The following GYS2 variants were observed in gnomAD, a reference collection of about 807,000 sequenced individuals.
The protein encoded by GYS2 is glycogen [starch] synthase, liver.
Under a neutral mutation model 85.6 loss-of-function variants are expected in GYS2, and 80 were observed. The observed-to-expected ratio is 0.93, with a 90% CI of 0.78 to 1.13. The LOEUF is 1.13. Ranked by LOEUF, GYS2 falls within the 50% of genes most tolerant of loss-of-function variation. The probability of loss-of-function intolerance (pLI) is 0.00; values close to 1 mark genes in which losing one functional copy is unlikely to be tolerated. For missense variants in GYS2, 881 were observed against 854.9 expected (o/e 1.03, Z -0.38); for synonymous variants, 328 against 300.7 (o/e 1.09, Z -0.94).
In GYS2 at chr12:21,575,851, T is replaced by C; in HGVS notation, c.495+15A>G. On this transcript the variant is annotated intron_variant, in intron 3 of 15. Coordinates refer to ENST00000261195, the MANE Select transcript of GYS2 (RefSeq NM_021957.4). ...GTGCTGCTCCTCCGTTGTATCACTATATAATAAACCATACCTCTTTTAAGA... is the reference window on the plus strand; with the variant it reads ...GTGCTGCTCCTCCGTTGTATCACTACATAATAAACCATACCTCTTTTAAGA... The C allele has an allele frequency of 6.3e-7, 1 of 1,590,034 alleles. No individual in the cohort carries two copies. The highest frequency in any genetic ancestry group is 8.6e-7 in the Non-Finnish European group (1 of 1,158,178).
intron 1 of GYS2, among the ~76,000 whole-genome samples, chr12:21,592,866 A>G (rs954413833): frequency 2.0e-5 from 3 of 152,098 alleles, no homozygotes; most frequent in African/African-American, 7.2e-5. Flanking sequence ...TCCCCAGGAT[A>G]CACCATATGT....
intron 15 of GYS2, chr12:21,537,462 G>A: frequency 2.5e-6 from 1 of 405,042 alleles, no homozygotes; most frequent in East Asian, 5.5e-5. Context: ...TTTCAGTACA[G>A]AAGAAAATGG....
Position 21,604,459 on chromosome 12 carries a change from G to A in GYS2, c.121+13C>T. On this transcript the variant is annotated intron_variant, in intron 1 of 15. Transcript: ENST00000261195. The stretch of plus-strand genomic sequence containing the variant: ...TGAAGGTGTACTGATCCACCTTCAG[G>A]AGCAGTACAAACCTTTATTGGTCAC... 1 of 1,532,224 alleles carries A rather than the reference G, an allele frequency of 6.5e-7. No homozygotes were observed. The highest frequency in any genetic ancestry group is 9.0e-7 in the Non-Finnish European group (1 of 1,105,978). The allele number at this position is 1,532,224 out of a possible 1,614,324, so 94.9% of individuals were successfully genotyped here.
intron 1 of GYS2, among the ~76,000 whole-genome samples, chr12:21,582,026 G>A (rs1289308872): frequency 6.6e-6 from 1 of 152,060 alleles, no homozygotes; most frequent in Non-Finnish European, 1.5e-5. Context: ...AAATGCTTCT[G>A]CACCGCAAAA....
intron 11 of GYS2, among the ~76,000 whole-genome samples, chr12:21,552,126 C>G (rs928266883): frequency 1.3e-5 from 2 of 152,054 alleles, no homozygotes; most frequent in Non-Finnish European, 2.9e-5. Flanking sequence ...CAAAAATCGC[C>G]CAGGAAAGCT....
intron 1 of GYS2, among the ~76,000 whole-genome samples, chr12:21,594,604 A>C (rs922085811): frequency 9.9e-5 from 15 of 152,176 alleles, no homozygotes; most frequent in Admixed American, 6.5e-5. Flanking sequence ...AAAGGACAGA[A>C]ACAAATGGAG....
chr12:21,567,531 GTT>G lies in GYS2; in HGVS notation c.823+1332_823+1333del, dbSNP rs76569569. ...ATTAGTTGGGTTCTTGTTCTATCTTGTTTTTTTTTTTTTTTTTAACCTAGCAC... is the reference window on the plus strand; with the variant it reads ...ATTAGTTGGGTTCTTGTTCTATCTTGTTTTTTTTTTTTTTTAACCTAGCAC... On this transcript the variant is annotated intron_variant, in intron 5 of 15. Transcript: ENST00000261195. Among the ~76,000 whole-genome samples the G allele has an allele frequency of 6.1e-3, 780 of 128,182 alleles. 13 individuals are homozygous for G. Among genetic ancestry groups the G allele is most frequent in the African/African-American group, 0.019 (683 of 35,704 alleles). 84.1% of individuals were successfully genotyped at this position (128,182 alleles called of 152,430 possible).
Position 21,539,317 on chromosome 12 carries a change from G to C in GYS2, c.1831C>G (p.Leu611Val), listed in dbSNP as rs762308155. The change falls in exon 15 of 16, where the codon CTG (leucine) becomes GTG (valine). Residue 611 changes from leucine to valine, a missense_variant. Coordinates refer to ENST00000261195, the MANE Select transcript of GYS2 (RefSeq NM_021957.4). ...LGRYYQHARH[L>V]TLSRAFPDKF... is the part of the protein sequence containing the mutation. The stretch of plus-strand genomic sequence containing the variant: ...TCTGGAAAAGCTCTGCTTAATGTCA[G>C]GTGTCTGGCATGCTGGTAATACTAT... 3.1e-6 allele frequency: 5 copies of C among 1,603,584 alleles called. No homozygotes were observed. Among genetic ancestry groups the C allele is most frequent in the Non-Finnish European group, 4.3e-6 (5 of 1,170,652 alleles).
At chr12:21,564,551 G>T (rs114214401) in intron 5 of GYS2, among the ~76,000 whole-genome samples, 130 of 152,184 alleles carry the variant, frequency 8.5e-4, no homozygotes, top group African/African-American at 2.8e-3. Context: ...TGATTTTTAT[G>T]AGTTTTTATT....
At chr12:21,581,997 A>G (rs1485596942) in intron 1 of GYS2, among the ~76,000 whole-genome samples, 1 of 152,170 alleles carries the variant, frequency 6.6e-6, no homozygotes, top group East Asian at 1.9e-4. Flanking sequence ...AAACAGACAA[A>G]TGGGACTTAA....
chr12:21,543,740 A>G (rs1048101590), intron 12 of GYS2, among the ~76,000 whole-genome samples: 10 of 151,398 alleles, frequency 6.6e-5, no homozygotes, highest in Non-Finnish European at 1.3e-4. Flanking sequence ...GCTCTCCCTC[A>G]CCTCGCCCCA....
intron 11 of GYS2, among the ~76,000 whole-genome samples, chr12:21,557,629 G>A (rs985699447): frequency 6.6e-6 from 1 of 152,176 alleles, no homozygotes; most frequent in African/African-American, 2.4e-5. Context: ...GCCGGGCGCG[G>A]TGGCTCACGC....
intron 14 of GYS2, among the ~76,000 whole-genome samples, chr12:21,539,987 T>C (rs1261802307): frequency 1.3e-5 from 2 of 152,260 alleles, no homozygotes; most frequent in Non-Finnish European, 2.9e-5. Context: ...AAAGGAGGTA[T>C]TTCCTGTAGT....
chr12:21,583,185 G>A (rs1012942986), intron 1 of GYS2, among the ~76,000 whole-genome samples: 3 of 152,156 alleles, frequency 2.0e-5, no homozygotes, highest in Non-Finnish European at 2.9e-5. Flanking sequence ...TGGATTTATT[G>A]ATGAGACATT....
At chr12:21,558,092 C>A in intron 11 of GYS2, 108 bp downstream of exon 11, 1 of 752,682 alleles carries the variant, frequency 1.3e-6, no homozygotes, top group Non-Finnish European at 2.4e-6. Flanking sequence ...CTTTAAAATA[C>A]TTAAAATATT....
At chr12:21,580,547 A>G (rs1247828049) in intron 1 of GYS2, 24 bp from the exon 2 acceptor site, 2 of 1,577,450 alleles carry the variant, frequency 1.3e-6, no homozygotes, top group South Asian at 1.1e-5. Flanking sequence ...AAAAGTTTCT[A>G]TTATCATTCA....
intron 11 of GYS2, among the ~76,000 whole-genome samples, chr12:21,551,007 T>C (rs553112102): frequency 8.5e-3 from 213 of 24,952 alleles, no homozygotes; most frequent in South Asian, 0.072. Context: ...TTTTCTTTTT[T>C]TTTTAATTTT....
At chr12:21,590,809 C>T (rs1231180124) in intron 1 of GYS2, among the ~76,000 whole-genome samples, 1 of 152,168 alleles carries the variant, frequency 6.6e-6, no homozygotes, top group East Asian at 1.9e-4. Context: ...CCAGCACAAC[C>T]TCATCACCAC....
intron 11 of GYS2, among the ~76,000 whole-genome samples, chr12:21,554,385 C>T (rs921633817): frequency 5.9e-5 from 9 of 152,266 alleles, no homozygotes; most frequent in African/African-American, 1.9e-4. Flanking sequence ...CCTGCATCTC[C>T]CTGCCTGTAC....
Sources: gnomAD v4.1 joint callset for allele counts (sites outside exome capture counted in the v4.1 genomes callset) on GRCh38, gnomAD v4.1.1 for gene constraint, MANE v1.5 for transcripts, NCBI Gene and HGNC (gene_info 2026-07-23, HGNC 2026-07-21) for gene names.